The following DLG2 variants were observed in gnomAD, a reference collection of about 807,000 sequenced individuals.
The protein encoded by DLG2 is discs large MAGUK scaffold protein 2.
A neutral mutation model predicts 132.5 loss-of-function variants in DLG2; 45 were observed. That is an observed-to-expected ratio of 0.34 (90% confidence interval 0.27 to 0.44). DLG2 has a LOEUF of 0.44. DLG2 is among the 20% of genes least tolerant of loss of function. The pLI is 1.00. For synonymous variants in DLG2, 424 were observed against 419.6 expected (o/e 1.01, Z -0.13); for missense variants, 1,045 against 1,196.9 (o/e 0.87, Z 1.87).
intron 14 of DLG2, among the ~76,000 whole-genome samples, chr11:83,960,958 C>T (rs1324929394): frequency 7.9e-5 from 12 of 151,992 alleles, no homozygotes; most frequent in Admixed American, 7.9e-4. Context: ...ACTAGTGAGA[C>T]TGTCCTCTAG....
intron 12 of DLG2, among the ~76,000 whole-genome samples, chr11:83,967,248 A>G (rs2090416798): frequency 6.6e-6 from 1 of 152,070 alleles, no homozygotes; most frequent in African/African-American, 2.4e-5. Context: ...TGGGTATATA[A>G]CAAGACCAGA....
chr11:84,838,124 T>C (rs998806391), intron 6 of DLG2, among the ~76,000 whole-genome samples: 1 of 151,950 alleles, frequency 6.6e-6, no homozygotes, highest in Non-Finnish European at 1.5e-5. Context: ...TAAGCTCCTA[T>C]TACAAATCAG....
At chr11:84,889,188 T>C (rs1164657908) in intron 6 of DLG2, among the ~76,000 whole-genome samples, 1 of 152,068 alleles carries the variant, frequency 6.6e-6, no homozygotes, top group Non-Finnish European at 1.5e-5. Context: ...CAAAGAAATA[T>C]AAAGGCACGA....
At chr11:84,959,665 T>C (rs1372904379) in intron 6 of DLG2, among the ~76,000 whole-genome samples, 2 of 152,224 alleles carry the variant, frequency 1.3e-5, no homozygotes, top group East Asian at 1.9e-4. Flanking sequence ...GTAAACATAA[T>C]ATATCACATT....
Position 85,410,319 on chromosome 11 carries a change from C to G in DLG2, c.41-124954G>C, listed in dbSNP as rs185065794. 1.4e-4 allele frequency among the ~76,000 whole-genome samples: 21 copies of G among 151,562 alleles called. 1 individual carries two copies. The highest frequency in any genetic ancestry group is 4.1e-4 in the African/African-American group (17 of 41,396). ...TAAATAAAATGTAATCACTGTGAAACTGAATATTAATATATTTATTAGTAT... is the reference window on the plus strand; with the variant it reads ...TAAATAAAATGTAATCACTGTGAAAGTGAATATTAATATATTTATTAGTAT... On this transcript the variant is annotated intron_variant, in intron 3 of 27. Transcript: ENST00000376104.
intron 4 of DLG2, among the ~76,000 whole-genome samples, chr11:85,277,876 C>T (rs1437723112): frequency 3.3e-5 from 5 of 152,112 alleles, no homozygotes; most frequent in East Asian, 3.9e-4. Context: ...TCCCTGTCAC[C>T]GGTTTCTCTT....
intron 18 of DLG2, among the ~76,000 whole-genome samples, chr11:83,676,690 T>C (rs1312382295): frequency 6.6e-6 from 1 of 152,182 alleles, no homozygotes; most frequent in Non-Finnish European, 1.5e-5. Flanking sequence ...AGGGAATACT[T>C]CCAACAATGC....
chr11:84,502,042 CTTTCT>C (rs901770643), intron 7 of DLG2, among the ~76,000 whole-genome samples: 59 of 151,894 alleles, frequency 3.9e-4, no homozygotes, highest in African/African-American at 1.2e-3. Flanking sequence ...TTTTCTTTGC[CTTTCT>C]TTTCTTTTCT....
intron 3 of DLG2, among the ~76,000 whole-genome samples, chr11:85,429,182 C>T (rs573479689): frequency 2.6e-5 from 4 of 152,222 alleles, no homozygotes; most frequent in South Asian, 2.1e-4. Flanking sequence ...GATTCACAGC[C>T]GAATTCTACC....
At chr11:83,895,195 A>AG (rs1490908639) in intron 15 of DLG2, among the ~76,000 whole-genome samples, 2 of 120,704 alleles carry the variant, frequency 1.7e-5, no homozygotes, top group Admixed American at 2.3e-4. Flanking sequence ...CTTGTTGCCC[A>AG]GGTTGCCAGG....
chr11:85,084,388 T>C (rs1246514038), intron 6 of DLG2, among the ~76,000 whole-genome samples: 1 of 152,188 alleles, frequency 6.6e-6, no homozygotes, highest in African/African-American at 2.4e-5. Flanking sequence ...AAATGTTCTT[T>C]TCTGGTTTCT....
intron 6 of DLG2, among the ~76,000 whole-genome samples, chr11:84,611,431 A>G (rs190306948): frequency 2.0e-5 from 3 of 152,268 alleles, no homozygotes; most frequent in Admixed American, 1.3e-4. Context: ...CAGTATATAC[A>G]GATGAACAGA....
At chr11:84,763,355 C>G (rs370092813) in intron 6 of DLG2, 1 of 152,142 alleles carries the variant, frequency 6.6e-6, no homozygotes, top group Non-Finnish European at 1.5e-5. Flanking sequence ...GGAAGTGTAT[C>G]GTAAGTCCTC....
intron 6 of DLG2, among the ~76,000 whole-genome samples, chr11:84,741,056 CTTTTT>C (rs1163275954): frequency 0.021 from 1,671 of 79,178 alleles, 28 homozygotes; most frequent in African/African-American, 0.092. Context: ...TGCCTATGCT[CTTTTT>C]TTTTTTTTTT....
At chr11:83,666,220 T>C (rs193081065) in intron 18 of DLG2, among the ~76,000 whole-genome samples, 21 of 152,286 alleles carry the variant, frequency 1.4e-4, no homozygotes, top group Non-Finnish European at 2.4e-4. Context: ...TATTTGAATG[T>C]TATTGTATTT....
rs1594567890 is a variant in DLG2, at chr11:84,639,058, T to C, written c.358-104327A>G. ...CATGAAAATACTCAACTTAGGTCTT[T>C]AGCTCTCTTTAACTTTTAAATTTAG... On this transcript the variant is annotated intron_variant, in intron 6 of 27. Coordinates refer to ENST00000376104, the MANE Select transcript of DLG2 (RefSeq NM_001142699.3). 5.3e-5 allele frequency among the ~76,000 whole-genome samples: 8 copies of C among 152,346 alleles called. No individual in the cohort carries two copies. The South Asian group carries it at 1.7e-3, about 32-fold the overall frequency.
chr11:85,436,551 G>GA (rs1183435235), intron 3 of DLG2, among the ~76,000 whole-genome samples: 3 of 151,958 alleles, frequency 2.0e-5, no homozygotes, highest in Non-Finnish European at 4.4e-5. Context: ...CAACAAACAT[G>GA]AAAAAAACAC....
At chr11:85,324,991 G>C (rs1468412629) in intron 3 of DLG2, among the ~76,000 whole-genome samples, 2 of 144,824 alleles carry the variant, frequency 1.4e-5, no homozygotes, top group South Asian at 2.3e-4. Context: ...TTCCCTTTCC[G>C]AGTCAAAGAA....
chr11:85,367,845 C>A (rs1219691070), intron 3 of DLG2, among the ~76,000 whole-genome samples: 1 of 152,066 alleles, frequency 6.6e-6, no homozygotes, highest in Non-Finnish European at 1.5e-5. Context: ...AATAGATTTT[C>A]TCATAGTAAT....
Sources: gnomAD v4.1 joint callset for allele counts (sites outside exome capture counted in the v4.1 genomes callset) on GRCh38, gnomAD v4.1.1 for gene constraint, MANE v1.5 for transcripts, NCBI Gene and HGNC (gene_info 2026-07-23, HGNC 2026-07-21) for gene names.